ASIC2: variants seen among roughly 807,000 people sequenced by gnomAD.
ASIC2 encodes acid sensing ion channel subunit 2.
A neutral mutation model predicts 57.3 loss-of-function variants in ASIC2; 25 were observed. The observed-to-expected ratio is 0.44, with a 90% CI of 0.32 to 0.61. The LOEUF is 0.61. ASIC2 is among the 20% of genes least tolerant of loss of function. The pLI is 0.06. For missense variants in ASIC2, 641 were observed against 738.1 expected (o/e 0.87, Z 1.52); for synonymous variants, 319 against 307.5 (o/e 1.04, Z -0.39).
chr17:34,046,548 G>T (rs1908344794), intron 1 of ASIC2, among the ~76,000 whole-genome samples: 1 of 152,206 alleles, frequency 6.6e-6, no homozygotes, highest in South Asian at 2.1e-4. Flanking sequence ...AAGCCAGCTT[G>T]GTTCCAAACA....
intron 1 of ASIC2, among the ~76,000 whole-genome samples, chr17:33,855,992 GA>G (rs1475415028): frequency 6.6e-6 from 1 of 152,106 alleles, no homozygotes; most frequent in African/African-American, 2.4e-5. Context: ...TTTAAAAGGA[GA>G]AAAGAAAAGG....
At chr17:33,089,260 T>TC (rs1314761629) in intron 2 of ASIC2, among the ~76,000 whole-genome samples, 1 of 152,166 alleles carries the variant, frequency 6.6e-6, no homozygotes, top group Non-Finnish European at 1.5e-5. Flanking sequence ...TCACAGAGGT[T>TC]CCTATGAAAG....
At chr17:34,116,508 A>T (rs764325993) in intron 1 of ASIC2, among the ~76,000 whole-genome samples, 1 of 152,086 alleles carries the variant, frequency 6.6e-6, no homozygotes, top group Non-Finnish European at 1.5e-5. Flanking sequence ...TTCCTGCTGG[A>T]GTATGTCTGC....
At chr17:34,052,782 AT>A (rs201587334) in intron 1 of ASIC2, among the ~76,000 whole-genome samples, 2 of 151,406 alleles carry the variant, frequency 1.3e-5, no homozygotes, top group Admixed American at 6.6e-5. Context: ...ATGCCCAGCT[AT>A]TTTTTTTGTA....
At chr17:33,298,400 A>G (rs953600436) in intron 1 of ASIC2, among the ~76,000 whole-genome samples, 2 of 152,154 alleles carry the variant, frequency 1.3e-5, no homozygotes, top group African/African-American at 4.8e-5. Flanking sequence ...TTCCAGCTTC[A>G]TCCATGTCCC....
chr17:33,754,415 C>G (rs556690853), intron 1 of ASIC2, among the ~76,000 whole-genome samples: 2 of 152,148 alleles, frequency 1.3e-5, no homozygotes, highest in East Asian at 3.9e-4. Flanking sequence ...CTAAGGCCTC[C>G]TAGCTCTAAG....
intron 1 of ASIC2, among the ~76,000 whole-genome samples, chr17:34,149,826 T>C (rs1904442466): frequency 6.6e-6 from 1 of 152,186 alleles, no homozygotes; most frequent in South Asian, 2.1e-4. Context: ...GAAAACAGTA[T>C]GGAAGTTCCT....
chr17:33,748,038 C>G lies in ASIC2; in HGVS notation c.555+407940G>C, dbSNP rs374512055. ...ATTTCCATTTCAGAGATGAGGAAGT[C>G]AAGGCTTGCGAAGGTTAAGCGACTT... On this transcript the variant is annotated intron_variant, in intron 1 of 9. Transcript: ENST00000359872. Among the ~76,000 whole-genome samples the G allele has an allele frequency of 2.9e-4, 44 of 152,380 alleles. No homozygotes were observed. In the South Asian group the frequency reaches 9.1e-3, roughly 32 times the overall value.
chr17:33,267,685 G>A (rs529077693), intron 1 of ASIC2, among the ~76,000 whole-genome samples: 13 of 152,382 alleles, frequency 8.5e-5, no homozygotes, highest in Non-Finnish European at 1.8e-4. Context: ...AGGGAAAGGA[G>A]AGATGAGCGT....
chr17:33,760,643 G>GTA (rs1435153349), intron 1 of ASIC2, among the ~76,000 whole-genome samples: 1 of 151,716 alleles, frequency 6.6e-6, no homozygotes, highest in African/African-American at 2.4e-5. Context: ...ACACAAATAT[G>GTA]TATGGGTATG....
At chr17:33,633,200 T>C (rs1906230079) in intron 1 of ASIC2, among the ~76,000 whole-genome samples, 1 of 152,174 alleles carries the variant, frequency 6.6e-6, no homozygotes, top group Admixed American at 6.5e-5. Flanking sequence ...ATCAACCCAA[T>C]GCCCATGAAG....
At chr17:33,278,816 G>C (rs531603054) in intron 1 of ASIC2, among the ~76,000 whole-genome samples, 15 of 152,176 alleles carry the variant, frequency 9.9e-5, no homozygotes, top group Admixed American at 1.3e-4. Context: ...ATTCAGACAG[G>C]GAACTTGTCA....
intron 1 of ASIC2, among the ~76,000 whole-genome samples, chr17:33,804,028 C>G (rs1026868635): frequency 1.3e-5 from 2 of 152,136 alleles, no homozygotes; most frequent in East Asian, 1.9e-4. Flanking sequence ...CCCACAGCAG[C>G]CTGTCTCCAT....
intron 1 of ASIC2, among the ~76,000 whole-genome samples, chr17:33,275,579 C>T (rs1597661807): frequency 6.6e-6 from 1 of 152,288 alleles, no homozygotes; most frequent in East Asian, 1.9e-4. Context: ...AGGTTTGTGA[C>T]CTTGAGCAAG....
At chr17:33,225,020 C>T (rs918111460) in intron 1 of ASIC2, among the ~76,000 whole-genome samples, 1 of 152,196 alleles carries the variant, frequency 6.6e-6, no homozygotes, top group Non-Finnish European at 1.5e-5. Context: ...TCTCCACCCA[C>T]TCCCATCTCT....
intron 1 of ASIC2, among the ~76,000 whole-genome samples, chr17:33,889,461 AT>A (rs1222282049): frequency 1.3e-5 from 2 of 152,276 alleles, no homozygotes; most frequent in African/African-American, 2.4e-5. Context: ...AATTCTTAAG[AT>A]TTGCCATCAT....
At chr17:33,593,248 T>G (rs921013998) in intron 1 of ASIC2, among the ~76,000 whole-genome samples, 1 of 152,214 alleles carries the variant, frequency 6.6e-6, no homozygotes, top group African/African-American at 2.4e-5. Flanking sequence ...AACATCTGGC[T>G]GATAAATGAA....
At chr17:34,050,528 A>T (rs1908517624) in intron 1 of ASIC2, among the ~76,000 whole-genome samples, 1 of 152,228 alleles carries the variant, frequency 6.6e-6, no homozygotes, top group South Asian at 2.1e-4. Context: ...GGGTCCTGTG[A>T]ACATGTTCTG....
At chr17:33,713,292 T>G (rs1401878224) in intron 1 of ASIC2, among the ~76,000 whole-genome samples, 1 of 152,202 alleles carries the variant, frequency 6.6e-6, no homozygotes, top group Non-Finnish European at 1.5e-5. Flanking sequence ...CAGAAATGTA[T>G]TCTCTCACAG....
Sources: gnomAD v4.1 joint callset for allele counts (sites outside exome capture counted in the v4.1 genomes callset) on GRCh38, gnomAD v4.1.1 for gene constraint, MANE v1.5 for transcripts, NCBI Gene and HGNC (gene_info 2026-07-23, HGNC 2026-07-21) for gene names.